Variants in SHF observed in about 807,000 individuals in gnomAD.
SHF encodes SH2 domain-containing adapter protein F.
Under a neutral mutation model 42.4 loss-of-function variants are expected in SHF, and 30 were observed. That is an observed-to-expected ratio of 0.71 (90% CI 0.53 to 0.96). SHF has a LOEUF of 0.96. Among genes scored for constraint, SHF ranks in the 40% least tolerant of loss-of-function variants. SHF has a pLI of 0.00. For synonymous variants in SHF, 264 were observed against 269.9 expected, an observed-to-expected ratio of 0.98 and a Z score of 0.21; for missense variants, 598 against 634.0, an observed-to-expected ratio of 0.94 and a Z score of 0.61.
chr15:45,195,490 ACTT>A (rs1414718824), intron 2 of SHF, among the ~76,000 whole-genome samples: 1 of 151,658 alleles, frequency 6.6e-6, no homozygotes, highest in Non-Finnish European at 1.5e-5. Flanking sequence ...GTCCTTGAAA[ACTT>A]CTTCTAAACT....
At chr15:45,198,810 G>T in exon 2 of SHF, 1 of 1,613,868 alleles carries the variant, frequency 6.2e-7, no homozygotes, top group South Asian at 1.1e-5. Flanking sequence ...CTGATAATGC[G>T]CAGGCGCGTT....
chr15:45,172,232 G>C lies in SHF; in HGVS notation c.1075C>G (p.Pro359Ala), dbSNP rs1330778255. The change falls in exon 5 of 7, where the codon CCC becomes GCC. Residue 359 changes from proline to alanine, a missense_variant. Physicochemically the swap from Pro to Ala is conservative, Grantham distance 27. This residue lies in a region of SHF where 439 missense variants were observed against 524.6 expected (regional missense o/e 0.84). Transcript: ENST00000690270. ...ATGCTTAGGGGTTTGGCTGACTTGG[G>C]GTTCCCTGCAGAGAGTCGGGGAGGT... Reference protein sequence around the residue: ...RLPPRLSAGNPKSAKPLSMEP... With the variant: ...RLPPRLSAGNAKSAKPLSMEP... 5 of 1,613,720 alleles carry C rather than the reference G, an allele frequency of 3.1e-6. No individual in the cohort carries two copies. Among genetic ancestry groups the C allele is most frequent in the Non-Finnish European group, 4.2e-6 (5 of 1,179,798 alleles).
intron 2 of SHF, among the ~76,000 whole-genome samples, chr15:45,195,477 C>T (rs1898836190): frequency 6.6e-6 from 1 of 152,172 alleles, no homozygotes; most frequent in Admixed American, 6.5e-5. Context: ...TCTGTTGACT[C>T]CTGTCCTTGA....
At chr15:45,170,645 CTTTTTTTTT>C in intron 6 of SHF, 13 of 220,930 alleles carry the variant, frequency 5.9e-5, no homozygotes, top group South Asian at 4.4e-4. Context: ...TTATCTTTTT[CTTTTTTTTT>C]TTTTTTTTTT....
intron 2 of SHF, among the ~76,000 whole-genome samples, chr15:45,177,189 T>C (rs988581211): frequency 5.3e-5 from 8 of 152,194 alleles, no homozygotes; most frequent in Non-Finnish European, 1.2e-4. Context: ...GTCAGTGGCC[T>C]GCTCCTGTGC....
At chr15:45,188,909 C>A (rs1314776746), upstream of SHF, among the ~76,000 whole-genome samples, 2 of 152,178 alleles carry the variant, frequency 1.3e-5, no homozygotes, top group African/African-American at 4.8e-5. Flanking sequence ...AAAGCCAGTT[C>A]CGGCTGGGCG....
At chr15:45,176,758 T>C (rs1340675460) in intron 2 of SHF, among the ~76,000 whole-genome samples, 1 of 152,202 alleles carries the variant, frequency 6.6e-6, no homozygotes, top group African/African-American at 2.4e-5. Flanking sequence ...GCTATGGAGC[T>C]ACTCCCCCAA....
intron 2 of SHF, among the ~76,000 whole-genome samples, chr15:45,195,685 C>T (rs2141450461): frequency 6.6e-6 from 1 of 152,330 alleles, no homozygotes; most frequent in Non-Finnish European, 1.5e-5. Context: ...CCCTCTTAAC[C>T]TCCTAAAGTT....
intron 6 of SHF, chr15:45,170,317 A>C (rs1409741342): frequency 8.2e-7 from 1 of 1,215,850 alleles, no homozygotes; most frequent in East Asian, 6.1e-5. Flanking sequence ...CTTGCAGGGG[A>C]GTAGTTGGTT....
intron 1 of SHF, chr15:45,199,222 A>T: frequency 1.2e-6 from 1 of 827,520 alleles, no homozygotes; most frequent in Non-Finnish European, 1.8e-6. Context: ...GACAGCCCTG[A>T]CTCCTCCTGA....
At chr15:45,181,356 G>T (rs1898115753) in intron 1 of SHF, 1 of 152,520 alleles carries the variant, frequency 6.6e-6, no homozygotes, top group Non-Finnish European at 1.5e-5. Flanking sequence ...CAGTTGGGAA[G>T]GATGGCAGGA....
In SHF at chr15:45,178,413, C is replaced by T. The variant is rs927343303; in HGVS notation, c.499-107G>A. ...GCAAGAGTCCCAAGTAGGCTGCCTTCGACCCAGACCCCCAGGTACTCAAAG... is the reference window on the plus strand; with the variant it reads ...GCAAGAGTCCCAAGTAGGCTGCCTTTGACCCAGACCCCCAGGTACTCAAAG... On this transcript the variant is annotated intron_variant, in intron 1 of 6. Coordinates refer to ENST00000690270, the MANE Select transcript of SHF (RefSeq NM_001394037.1). 1.4e-5 allele frequency: 19 copies of T among 1,314,928 alleles called. No homozygotes were observed. The South Asian group carries it at 1.5e-4, about 10-fold the overall frequency. 81.5% of individuals were successfully genotyped at this position (1,314,928 alleles called of 1,614,324 possible). A position where few individuals can be genotyped will look rare whatever the true frequency, so the allele number is the denominator to read the frequency against.
At chr15:45,188,592 C>T (rs1188279226), upstream of SHF, among the ~76,000 whole-genome samples, 1 of 152,234 alleles carries the variant, frequency 6.6e-6, no homozygotes, top group Non-Finnish European at 1.5e-5. Flanking sequence ...CCTAGAGACG[C>T]CCACTTCTCC....
At chr15:45,169,832 T>C (rs1391243553) in intron 6 of SHF, among the ~76,000 whole-genome samples, 1 of 152,218 alleles carries the variant, frequency 6.6e-6, no homozygotes, top group Non-Finnish European at 1.5e-5. Context: ...AGCAAAGCCC[T>C]TGCCAGACCC....
At position 45,187,682 on chromosome 15, in the gene SHF, G is replaced by A. The variant is rs1364186825; in HGVS notation, c.270C>T (p.Pro90=). 1.2e-5 allele frequency: 15 copies of A among 1,218,216 alleles called. No homozygotes were observed. The highest frequency in any genetic ancestry group is 1.5e-5 in the Non-Finnish European group (15 of 976,904). The allele number at this position is 1,218,216 out of a possible 1,614,324, so 75.5% of individuals were successfully genotyped here. ...APSPAAPPAP[P]PDILAAYRLQ... is the part of the protein sequence containing the mutation. ...GCCTGTAGGCGGCCAGGATGTCCGG[G>A]GGCGGCGCGGGGGGCGCGGCCGGAG... Residue 90 remains proline, a synonymous_variant, in exon 1 of 7, where the codon CCC becomes CCT. Transcript: ENST00000690270.
chr15:45,189,522 G>T (rs1433321506), upstream of SHF, among the ~76,000 whole-genome samples: 2 of 151,638 alleles, frequency 1.3e-5, no homozygotes, highest in African/African-American at 2.4e-5. Context: ...CCTAGTAGCT[G>T]GGATTACAAG....
At position 45,167,598 on chromosome 15, in the gene SHF, TG is replaced by T. The variant is rs1897291890; in HGVS notation, c.*348del. The T allele has an allele frequency of 1.1e-5, 2 of 185,384 alleles. No homozygotes were observed. The highest frequency in any genetic ancestry group is 1.2e-4 in the Admixed American group (2 of 16,118). The allele number at this position is 185,384 out of a possible 1,614,324, so 11.5% of individuals were successfully genotyped here. A position where few individuals can be genotyped will look rare whatever the true frequency, so the allele number is the denominator to read the frequency against. On this transcript the variant is annotated 3_prime_UTR_variant, in exon 7 of 7. Coordinates refer to ENST00000690270, the MANE Select transcript of SHF (RefSeq NM_001394037.1). The stretch of plus-strand genomic sequence containing the variant: ...TCTGCACTACCTCGCACGGACCCAG[TG>T]GGGAGAGGGTGGTGGTGGTGGAGGT...
chr15:45,187,826 G>A lies in SHF; in HGVS notation c.126C>T (p.Gly42=). 3 of 927,604 alleles carry A rather than the reference G, an allele frequency of 3.2e-6. No individual in the cohort carries two copies. The highest frequency in any genetic ancestry group is 2.8e-6 in the Non-Finnish European group (2 of 720,032). 57.5% of individuals were successfully genotyped at this position (927,604 alleles called of 1,614,324 possible). The change falls in exon 1 of 7, where the codon GGC becomes GGT. Residue 42 remains glycine (G), a synonymous_variant. Coordinates refer to ENST00000690270, the MANE Select transcript of SHF (RefSeq NM_001394037.1). ...AGGAGAGPGG[G]GSGGVAKWLR... ...GCCACTTGGCTACTCCGCCGCTGCCGCCCCCTCCTGGGCCGGCTCCCGCAC... is the reference window on the plus strand; with the variant it reads ...GCCACTTGGCTACTCCGCCGCTGCCACCCCCTCCTGGGCCGGCTCCCGCAC...
At chr15:45,188,227 G>A (rs1004989087), upstream of SHF, among the ~76,000 whole-genome samples, 1 of 152,110 alleles carries the variant, frequency 6.6e-6, no homozygotes, top group Admixed American at 6.5e-5. Context: ...TTTACGTGTC[G>A]CCACGCGGTC....
Sources: allele counts gnomAD v4.1 joint callset (sites outside exome capture counted in the v4.1 genomes callset), GRCh38; gene constraint gnomAD v4.1.1; regional missense constraint gnomAD v4.1.1; transcripts MANE v1.5; gene names NCBI Gene and HGNC (gene_info 2026-07-23, HGNC 2026-07-21).